BANK1: variants seen among roughly 807,000 people sequenced by gnomAD.
The protein encoded by BANK1 is B cell scaffold protein with ankyrin repeats 1.
In BANK1, 95 loss-of-function variants were observed where a neutral mutation model predicts 94.5. The ratio of observed to expected loss-of-function variants is 1.00; its 90% CI spans 0.85 to 1.19. The LOEUF is 1.19. Among genes scored for constraint, BANK1 ranks in the 50% most tolerant of loss-of-function variants. BANK1 has a pLI of 0.00. For missense variants in BANK1, 987 were observed against 932.2 expected (o/e 1.06, Z -0.77); for synonymous variants, 334 against 308.4 (o/e 1.08, Z -0.87).
chr4:101,867,626 T>C (rs1375654642), intron 4 of BANK1, among the ~76,000 whole-genome samples: 1 of 151,906 alleles, frequency 6.6e-6, no homozygotes, highest in Non-Finnish European at 1.5e-5. Context: ...GACAGCAATA[T>C]CATAAGGGAC....
At chr4:101,807,484 A>G (rs907274510) in intron 1 of BANK1, among the ~76,000 whole-genome samples, 2 of 152,142 alleles carry the variant, frequency 1.3e-5, no homozygotes, top group African/African-American at 4.8e-5. Context: ...TCAGGATTGG[A>G]TAAGTATTCT....
At chr4:101,825,222 A>G (rs1560589239) in intron 1 of BANK1, among the ~76,000 whole-genome samples, 3 of 152,088 alleles carry the variant, frequency 2.0e-5, no homozygotes, top group Admixed American at 6.6e-5. Context: ...TCTGTGCTTC[A>G]AGTTTATCAT....
intron 14 of BANK1, among the ~76,000 whole-genome samples, chr4:102,072,022 C>T (rs536182364): frequency 5.7e-4 from 87 of 152,178 alleles, no homozygotes; most frequent in Middle Eastern, 3.4e-3. Context: ...TTGTAATTGG[C>T]CAATCCTGGT....
At chr4:102,043,814 A>C (rs768442632) in intron 10 of BANK1, 25 bp from the exon 11 acceptor site, 3 of 1,514,634 alleles carry the variant, frequency 2.0e-6, no homozygotes, top group Non-Finnish European at 2.7e-6. Flanking sequence ...TGTTCAGTAA[A>C]TAATATGTTC....
At chr4:101,867,376 A>G (rs966881799) in intron 4 of BANK1, among the ~76,000 whole-genome samples, 12 of 152,198 alleles carry the variant, frequency 7.9e-5, no homozygotes, top group African/African-American at 2.9e-4. Flanking sequence ...GAAGGAGTTC[A>G]TTACCAGCAG....
chr4:101,933,242 TA>T (rs1723417364), intron 7 of BANK1, among the ~76,000 whole-genome samples: 1 of 150,094 alleles, frequency 6.7e-6, no homozygotes, highest in South Asian at 2.1e-4. Flanking sequence ...AAATAAGATT[TA>T]GAGTTTTATT....
chr4:101,795,378 G>A (rs1451788681), intron 1 of BANK1, among the ~76,000 whole-genome samples: 1 of 151,956 alleles, frequency 6.6e-6, no homozygotes, highest in Admixed American at 6.6e-5. Context: ...TATCTATGGA[G>A]GCTTTTCTAA....
chr4:102,031,847 T>C (rs1032271892), intron 10 of BANK1, among the ~76,000 whole-genome samples: 2 of 152,214 alleles, frequency 1.3e-5, no homozygotes, highest in African/African-American at 2.4e-5. Context: ...AAGAGATTCA[T>C]ATAAGAAAAT....
intron 11 of BANK1, among the ~76,000 whole-genome samples, chr4:102,045,148 G>A (rs1727836717): frequency 6.6e-6 from 1 of 151,916 alleles, no homozygotes; most frequent in South Asian, 2.1e-4. Context: ...TTTCTTCTAG[G>A]GTTTTTATGG....
chr4:101,794,692 A>T (rs1264003394), intron 1 of BANK1, among the ~76,000 whole-genome samples: 2 of 152,134 alleles, frequency 1.3e-5, no homozygotes, highest in Admixed American at 6.5e-5. Flanking sequence ...CCCCTGCAGT[A>T]ATTAGTTTTT....
intron 8 of BANK1, 83 bp from the exon 9 acceptor site, chr4:102,025,118 C>T: frequency 6.9e-7 from 1 of 1,440,192 alleles, no homozygotes; most frequent in East Asian, 2.3e-5. Flanking sequence ...AGCAGTACTA[C>T]TATTTCTGTA....
At chr4:101,797,598 T>A (rs6846850) in intron 1 of BANK1, among the ~76,000 whole-genome samples, 10,403 of 152,174 alleles carry the variant, frequency 0.068, 1,153 homozygotes, top group African/African-American at 0.24. Context: ...ATATAGTAGA[T>A]TTGGAGTCTG....
At chr4:101,943,725 G>A (rs1213735915) in intron 7 of BANK1, among the ~76,000 whole-genome samples, 1 of 151,772 alleles carries the variant, frequency 6.6e-6, no homozygotes, top group East Asian at 1.9e-4. Context: ...AATGGAAGGG[G>A]AACCTTAACA....
At chr4:101,996,260 G>A (rs1172278131) in intron 7 of BANK1, among the ~76,000 whole-genome samples, 3 of 152,088 alleles carry the variant, frequency 2.0e-5, no homozygotes, top group Admixed American at 2.0e-4. Context: ...TTATTTCTGA[G>A]GCCTCTGTTC....
chr4:101,958,464 C>CTTTTTTTTTTTTTTTTTTTTTTTTTTTT (rs35066662), intron 7 of BANK1, among the ~76,000 whole-genome samples: 1 of 110,734 alleles, frequency 9.0e-6, no homozygotes, highest in Non-Finnish European at 1.8e-5. Context: ...GCCCCCCATG[C>CTTTTTTTTTTTTTTTTTTTTTTTTTTTT]TTTTTTTTTT....
intron 1 of BANK1, among the ~76,000 whole-genome samples, chr4:101,795,394 T>A (rs1286784961): frequency 6.6e-6 from 1 of 152,118 alleles, no homozygotes; most frequent in Non-Finnish European, 1.5e-5. Flanking sequence ...TCTAAACTGT[T>A]AAAGGTGAAA....
intron 11 of BANK1, among the ~76,000 whole-genome samples, chr4:102,049,715 C>A (rs190384901): frequency 6.6e-6 from 1 of 152,260 alleles, no homozygotes; most frequent in African/African-American, 2.4e-5. Flanking sequence ...TTGGTCACAG[C>A]CAGTGCCAGT....
chr4:101,792,551 G>A (rs1560576190), intron 1 of BANK1, among the ~76,000 whole-genome samples: 1 of 150,242 alleles, frequency 6.7e-6, no homozygotes, highest in Non-Finnish European at 1.5e-5. Context: ...TGGTCCAACT[G>A]CCTCATTTAG....
chr4:101,914,201 T>G (rs568137796), intron 6 of BANK1, among the ~76,000 whole-genome samples: 1 of 152,206 alleles, frequency 6.6e-6, no homozygotes, highest in Non-Finnish European at 1.5e-5. Context: ...TGGAAGTGGA[T>G]TCTAACCATT....
Sources: gnomAD v4.1 joint callset for allele counts (sites outside exome capture counted in the v4.1 genomes callset) on GRCh38, gnomAD v4.1.1 for gene constraint, MANE v1.5 for transcripts, NCBI Gene and HGNC (gene_info 2026-07-23, HGNC 2026-07-21) for gene names.